The following ZNF333 variants were observed in gnomAD, a reference collection of about 807,000 sequenced individuals.
ZNF333 encodes zinc finger protein 333.
In ZNF333, 61 loss-of-function variants were observed where a neutral mutation model predicts 76.1. That is an observed-to-expected ratio of 0.80 (90% confidence interval 0.65 to 0.99). The LOEUF (loss-of-function observed/expected upper bound fraction) is 0.99, where lower values mean the gene tolerates loss of function less well. ZNF333 is among the 50% of genes least tolerant of loss of function. The pLI, the probability that ZNF333 is intolerant of heterozygous loss-of-function variation, is 0.00. For missense variants in ZNF333, 717 were observed against 822.4 expected, an observed-to-expected ratio of 0.87 and a Z score of 1.57; for synonymous variants, 284 against 305.0, an observed-to-expected ratio of 0.93 and a Z score of 0.72.
intron 5 of ZNF333, 75 bp downstream of exon 5, chr19:14,699,356 C>A (rs1484540705): frequency 7.6e-7 from 1 of 1,307,760 alleles, no homozygotes; most frequent in Non-Finnish European, 1.1e-6. Context: ...AATACAGGAC[C>A]AGAGCCAGGG....
At chr19:14,711,238 A>C (rs1262318938) in intron 7 of ZNF333, among the ~76,000 whole-genome samples, 1 of 152,216 alleles carries the variant, frequency 6.6e-6, no homozygotes, top group Non-Finnish European at 1.5e-5. Context: ...AAGCAGTTTA[A>C]GTGGAGCGAG....
At chr19:14,707,575 G>C in intron 7 of ZNF333, among the ~76,000 whole-genome samples, 1 of 122,896 alleles carries the variant, frequency 8.1e-6, no homozygotes, top group Admixed American at 1.0e-4. Flanking sequence ...TTTTTGAGAC[G>C]GAGTCTCACT....
At chr19:14,716,377 G>A in intron 9 of ZNF333, 139 bp downstream of exon 9, 1 of 976,048 alleles carries the variant, frequency 1.0e-6, no homozygotes, top group Non-Finnish European at 1.5e-6. Flanking sequence ...TCCCACCCCA[G>A]CCTCCCGAGT....
intron 10 of ZNF333, 55 bp from the exon 11 acceptor site, chr19:14,717,602 A>G: frequency 6.6e-7 from 1 of 1,521,840 alleles, no homozygotes; most frequent in African/African-American, 1.4e-5. Context: ...GGTGACCTTG[A>G]TCCCACAGTT....
In ZNF333 at chr19:14,718,750, G is replaced by C. The variant is rs1412628982; in HGVS notation, c.1423G>C (p.Glu475Gln). 3.1e-6 allele frequency: 5 copies of C among 1,613,916 alleles called. No homozygotes were observed. Among genetic ancestry groups the C allele is most frequent in the Non-Finnish European group, 4.2e-6 (5 of 1,180,006 alleles). The change falls in exon 12 of 12, where the codon GAG becomes CAG. Residue 475 changes from glutamate to glutamine, a missense_variant. Physicochemically the swap from Glu to Gln is conservative, Grantham distance 29 (BLOSUM62 2). Transcript: ENST00000292530. Reference protein sequence around the residue: ...LRSHVRTHTGEKPFECSQCGK... With the variant: ...LRSHVRTHTGQKPFECSQCGK... ...GAGCCACGTGAGAACTCACACTGGA[G>C]AGAAGCCCTTTGAATGCAGCCAGTG...
intron 6 of ZNF333, chr19:14,705,969 G>T (rs968797170): frequency 2.0e-5 from 8 of 394,986 alleles, no homozygotes; most frequent in African/African-American, 6.2e-5. Flanking sequence ...AGGAGAAAAG[G>T]CCTCTTCCCA....
chr19:14,730,552 G>A (rs1321840462), intron 11 of ZNF333, among the ~76,000 whole-genome samples: 1 of 132,280 alleles, frequency 7.6e-6, no homozygotes, highest in Non-Finnish European at 1.7e-5. Context: ...TGTATTTCTT[G>A]CACTGTAAAT....
intron 7 of ZNF333, among the ~76,000 whole-genome samples, chr19:14,713,801 TA>T (rs958912290): frequency 1.1e-4 from 16 of 149,128 alleles, no homozygotes; most frequent in African/African-American, 2.9e-4. Context: ...TCTAAAAAAA[TA>T]AAAAAAAAAT....
intron 7 of ZNF333, among the ~76,000 whole-genome samples, chr19:14,707,590 C>T (rs1348251296): frequency 2.6e-5 from 3 of 114,120 alleles, no homozygotes; most frequent in Admixed American, 1.3e-4. Flanking sequence ...CTCACTCTTT[C>T]GCCCAAGCTG....
At chr19:14,728,161 C>T (rs922304284) in intron 11 of ZNF333, among the ~76,000 whole-genome samples, 10 of 152,054 alleles carry the variant, frequency 6.6e-5, no homozygotes, top group Non-Finnish European at 8.8e-5. Context: ...TGCAGTGAGC[C>T]GAGATTGTGC....
intron 6 of ZNF333, chr19:14,706,111 G>C: frequency 2.2e-6 from 1 of 457,536 alleles, no homozygotes; most frequent in Non-Finnish European, 4.4e-6. Context: ...TGTCCCTGCT[G>C]CTGCCATCCT....
At position 14,719,169 on chromosome 19, in the gene ZNF333, C is replaced by A. The variant is rs149104672; in HGVS notation, c.1842C>A (p.Ala614=). ...HLIVHVRTHS[A]GRPYQCNQCE... ...TTGTACATGTGAGAACACACAGTGC[C>A]GGGAGACCCTATCAATGTAATCAGT... The change falls in exon 12 of 12, where the codon GCC becomes GCA. Residue 614 remains alanine (A), a synonymous_variant. Transcript: ENST00000292530. 1 of 1,614,082 alleles carries A rather than the reference C, an allele frequency of 6.2e-7. No individual in the cohort carries two copies. Among genetic ancestry groups the A allele is most frequent in the Admixed American group, 1.7e-5 (1 of 60,008 alleles).
chr19:14,717,604 C>T (rs2042471257), intron 10 of ZNF333, 53 bp from the exon 11 acceptor site: 5 of 1,529,850 alleles, frequency 3.3e-6, no homozygotes, highest in Admixed American at 3.3e-5. Context: ...TGACCTTGAT[C>T]CCACAGTTTC....
chr19:14,703,374 C>T (rs919402654), intron 5 of ZNF333, among the ~76,000 whole-genome samples: 10 of 152,090 alleles, frequency 6.6e-5, no homozygotes, highest in African/African-American at 2.4e-4. Context: ...GGTGGGGACA[C>T]AGCCAGACCA....
At chr19:14,731,260 G>A in exon 12 of ZNF333, 1 of 1,402,736 alleles carries the variant, frequency 7.1e-7, no homozygotes, top group South Asian at 1.2e-5. Context: ...GATATCAAAG[G>A]ATCACTACTG....
intron 5 of ZNF333, among the ~76,000 whole-genome samples, chr19:14,700,621 C>A (rs147345005): frequency 3.3e-5 from 5 of 152,278 alleles, no homozygotes; most frequent in East Asian, 1.9e-4. Context: ...CACCATCCCC[C>A]CTTTGGCCCT....
intron 11 of ZNF333, chr19:14,731,066 G>C: frequency 2.2e-6 from 2 of 890,374 alleles, no homozygotes; most frequent in Non-Finnish European, 3.6e-6. Context: ...ATGCTGCCCT[G>C]GTCTCAAGCA....
Position 14,706,745 on chromosome 19 carries a change from C to T in ZNF333, c.483C>T (p.His161=). 2 of 1,613,822 alleles carry T rather than the reference C, an allele frequency of 1.2e-6. No individual in the cohort carries two copies. The highest frequency in any genetic ancestry group is 1.7e-6 in the Non-Finnish European group (2 of 1,179,948). The change falls in exon 7 of 12, where the codon CAC becomes CAT. Residue 161 remains histidine, a synonymous_variant. Coordinates refer to ENST00000292530, the MANE Select transcript of ZNF333 (RefSeq NM_032433.4). ...TGATACCAGTGCCTACTCTGGGCCA[C>T]CGCAACCCATGGGTGGCCAGGGATT... ...RVVIPVPTLG[H]RNPWVARDSA...
intron 4 of ZNF333, among the ~76,000 whole-genome samples, chr19:14,696,643 C>T (rs1973213291): frequency 6.6e-6 from 1 of 151,698 alleles, no homozygotes; most frequent in Non-Finnish European, 1.5e-5. Flanking sequence ...AAGAGAGGCC[C>T]AGACTGGTTT....
Sources: gnomAD v4.1 joint callset for allele counts (sites outside exome capture counted in the v4.1 genomes callset) on GRCh38, gnomAD v4.1.1 for gene constraint, MANE v1.5 for transcripts, NCBI Gene and HGNC (gene_info 2026-07-23, HGNC 2026-07-21) for gene names.